SPATS2: variants seen among roughly 807,000 people sequenced by gnomAD.
SPATS2 encodes the protein spermatogenesis associated serine rich 2.
A neutral mutation model predicts 63.7 loss-of-function variants in SPATS2; 38 were observed. The observed-to-expected ratio is 0.60, with a 90% CI of 0.46 to 0.78. The LOEUF (loss-of-function observed/expected upper bound fraction) is 0.78, where lower values mean the gene tolerates loss of function less well. Ranked by LOEUF, SPATS2 falls within the 30% of genes least tolerant of loss-of-function variation. SPATS2 has a pLI of 0.00. For missense variants in SPATS2, 588 were observed against 666.2 expected (o/e 0.88, Z 1.29); for synonymous variants, 207 against 232.9 (o/e 0.89, Z 1.01).
intron 2 of SPATS2, among the ~76,000 whole-genome samples, chr12:49,421,218 G>C (rs1029943662): frequency 2.0e-5 from 3 of 152,030 alleles, no homozygotes; most frequent in Non-Finnish European, 4.4e-5. Flanking sequence ...AGGAGTTCAA[G>C]ACCAGCCTGG....
intron 2 of SPATS2, among the ~76,000 whole-genome samples, chr12:49,454,799 G>C (rs1359701938): frequency 6.6e-6 from 1 of 151,796 alleles, no homozygotes; most frequent in Non-Finnish European, 1.5e-5. Flanking sequence ...AGGATCATCT[G>C]AGCCTGGGAG....
chr12:49,453,796 C>A lies in SPATS2; in HGVS notation c.-243-6974C>A, dbSNP rs527743350. On this transcript the variant is annotated intron_variant, in intron 2 of 13. Transcript: ENST00000552918. ...CCACTCCCTGGGCAACGGAGGAAGA[C>A]CCTGGCTCTAAAAAAGACAAAATCC... 4.6e-5 allele frequency among the ~76,000 whole-genome samples: 7 copies of A among 151,776 alleles called. No homozygotes were observed. The South Asian group carries it at 1.5e-3, about 32-fold the overall frequency.
At chr12:49,380,415 C>G (rs994745207) in intron 2 of SPATS2, among the ~76,000 whole-genome samples, 3 of 151,984 alleles carry the variant, frequency 2.0e-5, no homozygotes, top group African/African-American at 7.2e-5. Context: ...TTGAAAAAAT[C>G]TGTTTATTGG....
intron 2 of SPATS2, among the ~76,000 whole-genome samples, chr12:49,409,405 A>G (rs1944755763): frequency 6.6e-6 from 1 of 151,832 alleles, no homozygotes. Flanking sequence ...TCCCGGGTTC[A>G]CGCCATTCTC....
rs1244982505 is a variant in SPATS2, at chr12:49,480,463, G to A, written c.26-4127G>A. ...TAAATTAATGCATTGTTGTTATATT[G>A]AGATGATTATTCTTTTTTTTTAATC... On this transcript the variant is annotated intron_variant, in intron 3 of 13. Transcript: ENST00000552918. 2.0e-5 allele frequency among the ~76,000 whole-genome samples: 3 copies of A among 152,144 alleles called. No homozygotes were observed. In the South Asian group the frequency reaches 6.2e-4, roughly 32 times the overall value.
chr12:49,373,112 A>G (rs1944031378), intron 2 of SPATS2, among the ~76,000 whole-genome samples: 1 of 152,108 alleles, frequency 6.6e-6, no homozygotes, highest in Non-Finnish European at 1.5e-5. Context: ...AGCTGGGATT[A>G]CAGGCAAGTG....
At chr12:49,484,730 C>A in intron 4 of SPATS2, 61 bp downstream of exon 4, 2 of 1,414,022 alleles carry the variant, frequency 1.4e-6, no homozygotes, top group Non-Finnish European at 2.0e-6. Flanking sequence ...GGTACTAATA[C>A]GACTAGTGGC....
At chr12:49,384,592 A>G (rs1944278685) in intron 2 of SPATS2, among the ~76,000 whole-genome samples, 1 of 152,196 alleles carries the variant, frequency 6.6e-6, no homozygotes, top group African/African-American at 2.4e-5. Context: ...TTTTTTGATA[A>G]CAGTGAGATC....
chr12:49,428,899 A>G (rs979340081), intron 2 of SPATS2, among the ~76,000 whole-genome samples: 1 of 152,132 alleles, frequency 6.6e-6, no homozygotes, highest in Admixed American at 6.6e-5. Flanking sequence ...GGGGGTGGTA[A>G]TAAAATTATC....
intron 2 of SPATS2, among the ~76,000 whole-genome samples, chr12:49,373,694 A>G (rs984540222): frequency 1.3e-5 from 2 of 152,150 alleles, no homozygotes; most frequent in East Asian, 1.9e-4. Context: ...TGGGAGGCCA[A>G]GGTGGGCGGA....
At chr12:49,494,461 C>T (rs1248088092) in intron 6 of SPATS2, among the ~76,000 whole-genome samples, 1 of 151,758 alleles carries the variant, frequency 6.6e-6, no homozygotes, top group Non-Finnish European at 1.5e-5. Context: ...ATATTTTTTT[C>T]ACATTTTGTA....
rs1442221970 is a variant in SPATS2, at chr12:49,514,916, G to A, written c.898+303G>A. Among the ~76,000 whole-genome samples the A allele has an allele frequency of 2.0e-5, 3 of 152,250 alleles. No homozygotes were observed. The East Asian group carries it at 5.8e-4, about 29-fold the overall frequency. ...TTTTGTTTCTTCCTCTAGTGTTTAAGCAATTCCACTGGGATTTTTTCTACT... is the reference window on the plus strand; with the variant it reads ...TTTTGTTTCTTCCTCTAGTGTTTAAACAATTCCACTGGGATTTTTTCTACT... On this transcript the variant is annotated intron_variant, in intron 10 of 13. Coordinates refer to ENST00000552918, the MANE Select transcript of SPATS2 (RefSeq NM_023071.4).
intron 2 of SPATS2, among the ~76,000 whole-genome samples, chr12:49,400,961 C>G (rs779306700): frequency 5.9e-5 from 9 of 152,176 alleles, no homozygotes; most frequent in Admixed American, 2.6e-4. Context: ...ATCCTTCAAC[C>G]TCCCAGGCTC....
chr12:49,394,648 A>G (rs1012280430), intron 2 of SPATS2, among the ~76,000 whole-genome samples: 8 of 151,860 alleles, frequency 5.3e-5, no homozygotes, highest in African/African-American at 1.9e-4. Context: ...GCTTGTTGCT[A>G]GTATATAGAA....
At chr12:49,435,929 G>A (rs1945273332) in intron 2 of SPATS2, among the ~76,000 whole-genome samples, 1 of 150,534 alleles carries the variant, frequency 6.6e-6, no homozygotes, top group African/African-American at 2.4e-5. Context: ...AGTGGACACA[G>A]CACATGTTTC....
At chr12:49,435,809 C>T (rs1008068409) in intron 2 of SPATS2, among the ~76,000 whole-genome samples, 10 of 150,982 alleles carry the variant, frequency 6.6e-5, no homozygotes, top group African/African-American at 2.4e-4. Context: ...GTGTTTGTGT[C>T]CCTGGGTACT....
chr12:49,499,353 G>A (rs537999174), intron 8 of SPATS2, among the ~76,000 whole-genome samples: 1 of 152,036 alleles, frequency 6.6e-6, no homozygotes, highest in Non-Finnish European at 1.5e-5. Context: ...AGCACAAACT[G>A]TCCCTGGCCT....
chr12:49,471,697 A>G lies in SPATS2; in HGVS notation c.25+10660A>G, dbSNP rs111867253. ...GGCATTAGTACACTCCCATTGTTGT[A>G]CAACCATTACTGTCATTCATGTCCA... is the stretch of plus-strand genomic sequence containing the variant. On this transcript the variant is annotated intron_variant, in intron 3 of 13. Transcript: ENST00000552918. Among the ~76,000 whole-genome samples the G allele has an allele frequency of 7.5e-3, 1,141 of 152,278 alleles. 10 individuals are homozygous for G. Among genetic ancestry groups the G allele is most frequent in the African/African-American group, 0.026 (1,074 of 41,558 alleles).
At chr12:49,455,166 A>T (rs1429776289) in intron 2 of SPATS2, among the ~76,000 whole-genome samples, 2 of 152,094 alleles carry the variant, frequency 1.3e-5, no homozygotes, top group East Asian at 3.9e-4. Flanking sequence ...CCTTCTGGTC[A>T]GTTAGCGATT....
Sources: gnomAD v4.1 joint callset for allele counts (sites outside exome capture counted in the v4.1 genomes callset) on GRCh38, gnomAD v4.1.1 for gene constraint, MANE v1.5 for transcripts, NCBI Gene and HGNC (gene_info 2026-07-23, HGNC 2026-07-21) for gene names.